Variants in GRID2 observed in about 807,000 individuals in gnomAD.
The protein encoded by GRID2 is glutamate receptor ionotropic, delta-2.
In GRID2, 33 loss-of-function variants were observed where a neutral mutation model predicts 114.8. The observed-to-expected ratio is 0.29, with a 90% CI of 0.22 to 0.38. GRID2 has a LOEUF of 0.38. Among genes scored for constraint, GRID2 ranks in the 10% least tolerant of loss-of-function variants. GRID2 has a pLI of 1.00. For missense variants in GRID2, 1,184 were observed against 1,257.7 expected, an observed-to-expected ratio of 0.94 and a Z score of 0.89; for synonymous variants, 505 against 449.9, an observed-to-expected ratio of 1.12 and a Z score of -1.55.
chr4:92,556,422 G>A (rs1460606068), intron 1 of GRID2, among the ~76,000 whole-genome samples: 1 of 151,936 alleles, frequency 6.6e-6, no homozygotes, highest in African/African-American at 2.4e-5. Context: ...TTTTATTTGA[G>A]ATGAAAGGCG....
chr4:93,710,439 CTCTT>C (rs1434278500), intron 14 of GRID2, among the ~76,000 whole-genome samples: 3 of 152,190 alleles, frequency 2.0e-5, no homozygotes, highest in South Asian at 2.1e-4. Flanking sequence ...AATGGAGTAT[CTCTT>C]TCTACGGTGA....
At chr4:93,559,635 T>G (rs1402681008) in intron 13 of GRID2, among the ~76,000 whole-genome samples, 1 of 151,896 alleles carries the variant, frequency 6.6e-6, no homozygotes, top group Non-Finnish European at 1.5e-5. Context: ...TTGGTGGGAG[T>G]GTAAATTCGT....
intron 2 of GRID2, among the ~76,000 whole-genome samples, chr4:92,839,037 C>T (rs921429718): frequency 2.6e-5 from 4 of 152,040 alleles, no homozygotes; most frequent in African/African-American, 7.2e-5. Flanking sequence ...ATCTGGCCAG[C>T]GTCCTGCTTA....
At chr4:93,375,397 G>T (rs562091380) in intron 8 of GRID2, among the ~76,000 whole-genome samples, 25 of 151,990 alleles carry the variant, frequency 1.6e-4, no homozygotes, top group Middle Eastern at 3.4e-3. Context: ...ATTTTTAGTA[G>T]AGATGGGGTT....
intron 13 of GRID2, among the ~76,000 whole-genome samples, chr4:93,521,414 G>C (rs1244663237): frequency 6.6e-6 from 1 of 152,146 alleles, no homozygotes; most frequent in Non-Finnish European, 1.5e-5. Flanking sequence ...CTATCAGCTA[G>C]TGAGGTAAGA....
intron 1 of GRID2, among the ~76,000 whole-genome samples, chr4:92,578,737 T>A (rs1009913690): frequency 6.9e-4 from 101 of 145,716 alleles, no homozygotes; most frequent in African/African-American, 2.0e-3. Flanking sequence ...TCTATCAATC[T>A]ATCTATCTAT....
At chr4:93,391,196 A>G (rs967365941) in intron 8 of GRID2, among the ~76,000 whole-genome samples, 8 of 152,188 alleles carry the variant, frequency 5.3e-5, no homozygotes, top group South Asian at 2.1e-4. Flanking sequence ...GAAAATTATC[A>G]TTGGAGAGAT....
intron 1 of GRID2, among the ~76,000 whole-genome samples, chr4:92,432,467 C>T (rs769623363): frequency 3.3e-5 from 5 of 151,924 alleles, no homozygotes; most frequent in Admixed American, 2.0e-4. Flanking sequence ...AAGACAATGG[C>T]TTTCCCACTC....
At chr4:92,818,428 G>A (rs1350330992) in intron 2 of GRID2, among the ~76,000 whole-genome samples, 2 of 152,096 alleles carry the variant, frequency 1.3e-5, no homozygotes, top group Non-Finnish European at 2.9e-5. Flanking sequence ...GATAATGATG[G>A]AGAATTTTGA....
At chr4:93,375,950 T>G (rs553754717) in intron 8 of GRID2, among the ~76,000 whole-genome samples, 1 of 152,018 alleles carries the variant, frequency 6.6e-6, no homozygotes, top group East Asian at 1.9e-4. Context: ...GTGGATTGGG[T>G]TTTCCCTGAG....
chr4:92,566,592 T>G (rs1399590604), intron 1 of GRID2, among the ~76,000 whole-genome samples: 1 of 152,014 alleles, frequency 6.6e-6, no homozygotes, highest in South Asian at 2.1e-4. Context: ...CTCCTTACTG[T>G]ACACTGAGAT....
chr4:93,240,333 T>C (rs189596526), intron 8 of GRID2, among the ~76,000 whole-genome samples: 139 of 151,728 alleles, frequency 9.2e-4, no homozygotes, highest in Non-Finnish European at 1.5e-3. Flanking sequence ...TGGGTGGATA[T>C]AATGATATAT....
At chr4:93,323,927 T>G (rs1284938643) in intron 8 of GRID2, among the ~76,000 whole-genome samples, 1 of 152,224 alleles carries the variant, frequency 6.6e-6, no homozygotes, top group Non-Finnish European at 1.5e-5. Flanking sequence ...AAGTTGCTTA[T>G]CAGCTTAAGG....
intron 2 of GRID2, among the ~76,000 whole-genome samples, chr4:92,718,581 TAGAG>T (rs879523307): frequency 4.0e-5 from 6 of 151,892 alleles, no homozygotes; most frequent in Admixed American, 2.6e-4. Flanking sequence ...TTAGGCAACA[TAGAG>T]AGACCCCGTC....
intron 5 of GRID2, among the ~76,000 whole-genome samples, chr4:93,214,961 C>T (rs946803683): frequency 5.3e-5 from 8 of 151,906 alleles, no homozygotes; most frequent in African/African-American, 1.9e-4. Flanking sequence ...TAAATTCATC[C>T]TATGAGTAGA....
intron 2 of GRID2, among the ~76,000 whole-genome samples, chr4:92,850,833 C>A (rs1743725650): frequency 6.6e-6 from 1 of 151,884 alleles, no homozygotes; most frequent in South Asian, 2.1e-4. Context: ...TTCAAAAATA[C>A]CATTTGAGCA....
At chr4:93,387,555 C>A (rs1253307627) in intron 8 of GRID2, among the ~76,000 whole-genome samples, 2 of 151,986 alleles carry the variant, frequency 1.3e-5, no homozygotes, top group African/African-American at 4.8e-5. Context: ...ACAGGCCAGG[C>A]GCGGTGGCTG....
At chr4:93,212,149 C>T (rs913195451) in intron 5 of GRID2, among the ~76,000 whole-genome samples, 3 of 152,004 alleles carry the variant, frequency 2.0e-5, no homozygotes, top group East Asian at 1.9e-4. Context: ...TGCAAATGCC[C>T]GTTTTGGCTG....
chr4:93,631,386 A>C (rs12641655), intron 14 of GRID2, among the ~76,000 whole-genome samples: 88,097 of 151,884 alleles, frequency 0.58, 26,297 homozygotes, highest in East Asian at 0.72. Flanking sequence ...CTAGGACAGG[A>C]CCTGGTGTGT....
Sources: gnomAD v4.1 joint callset for allele counts (sites outside exome capture counted in the v4.1 genomes callset) on GRCh38, gnomAD v4.1.1 for gene constraint, MANE v1.5 for transcripts, NCBI Gene and HGNC (gene_info 2026-07-23, HGNC 2026-07-21) for gene names.